Variants in ATRNL1 observed in about 807,000 individuals in gnomAD.
The protein encoded by ATRNL1 is attractin-like protein 1.
ATRNL1 carries 95 observed loss-of-function variants against 182.7 expected under a neutral mutation model. That is an observed-to-expected ratio of 0.52 (90% CI 0.44 to 0.62). The LOEUF (loss-of-function observed/expected upper bound fraction) is 0.62, where lower values mean the gene tolerates loss of function less well. Ranked by LOEUF, ATRNL1 falls within the 20% of genes least tolerant of loss-of-function variation. The pLI is 0.00. For missense variants in ATRNL1, 1,471 were observed against 1,679.5 expected (o/e 0.88, Z 2.17); for synonymous variants, 576 against 568.3 (o/e 1.01, Z -0.19).
At chr10:115,736,922 C>T (rs1947967977) in intron 27 of ATRNL1, among the ~76,000 whole-genome samples, 1 of 152,078 alleles carries the variant, frequency 6.6e-6, no homozygotes, top group South Asian at 2.1e-4. Context: ...TGTGTGCCTC[C>T]ATGCCTGGCT....
In ATRNL1 at chr10:115,114,825, A is replaced by G. The variant is rs564436433; in HGVS notation, c.294-5360A>G. ...TAGTACAGCCATTTTGAAAAAAAAT[A>G]TGGAGGTTCATCAAAAAACTGAAAA... is the stretch of plus-strand genomic sequence containing the variant. On this transcript the variant is annotated intron_variant, in intron 1 of 28. Coordinates refer to ENST00000355044, the MANE Select transcript of ATRNL1 (RefSeq NM_207303.4). Among the ~76,000 whole-genome samples, 4 of 152,204 alleles carry G rather than the reference A, an allele frequency of 2.6e-5. No individual in the cohort carries two copies. The East Asian group carries it at 7.7e-4, about 29-fold the overall frequency.
chr10:115,900,995 G>A (rs1589666538), intron 28 of ATRNL1, among the ~76,000 whole-genome samples: 1 of 152,180 alleles, frequency 6.6e-6, no homozygotes, highest in Non-Finnish European at 1.5e-5. Flanking sequence ...CAATGTAGAA[G>A]AGTCCACATC....
intron 26 of ATRNL1, among the ~76,000 whole-genome samples, chr10:115,588,277 A>T (rs117169889): frequency 2.6e-5 from 4 of 152,126 alleles, no homozygotes; most frequent in Admixed American, 2.6e-4. Context: ...TGTATGGACT[A>T]CATAAATGAG....
intron 9 of ATRNL1, among the ~76,000 whole-genome samples, chr10:115,235,540 G>A (rs1392223823): frequency 1.3e-5 from 2 of 151,524 alleles, no homozygotes; most frequent in East Asian, 1.9e-4. Context: ...TCCAGAGTTC[G>A]TCTGTATTAT....
chr10:115,102,285 TC>T (rs1843801615), intron 1 of ATRNL1, among the ~76,000 whole-genome samples: 1 of 152,198 alleles, frequency 6.6e-6, no homozygotes, highest in Non-Finnish European at 1.5e-5. Context: ...TTCATTAATG[TC>T]TTTGTACCTT....
chr10:115,569,627 A>G (rs1854273914), intron 26 of ATRNL1, among the ~76,000 whole-genome samples: 1 of 152,060 alleles, frequency 6.6e-6, no homozygotes, highest in Non-Finnish European at 1.5e-5. Context: ...TCTGCAAACT[A>G]TTCATGTCCT....
chr10:115,458,039 T>G (rs1847613086), intron 21 of ATRNL1, among the ~76,000 whole-genome samples: 1 of 152,194 alleles, frequency 6.6e-6, no homozygotes, highest in African/African-American at 2.4e-5. Context: ...TTGTAATTTC[T>G]TTATACCATA....
chr10:115,849,258 A>G (rs1950999151), intron 28 of ATRNL1, among the ~76,000 whole-genome samples: 2 of 152,270 alleles, frequency 1.3e-5, no homozygotes, highest in South Asian at 4.1e-4. Flanking sequence ...TTTTCCTTTC[A>G]GCACCTCCAA....
Position 115,872,342 on chromosome 10 carries a change from C to T in ATRNL1, c.4018+24351C>T, listed in dbSNP as rs116554093. The stretch of plus-strand genomic sequence containing the variant: ...AAAAGCCTAATAGAGACTATGCCAG[C>T]TTAAAAGTCTTATTCAGAAGTGGGT... On this transcript the variant is annotated intron_variant, in intron 28 of 28. Transcript: ENST00000355044. Among the ~76,000 whole-genome samples, 363 of 152,284 alleles carry T rather than the reference C, an allele frequency of 2.4e-3. 1 individual carries two copies. Among genetic ancestry groups the T allele is most frequent in the African/African-American group, 8.4e-3 (349 of 41,566 alleles).
At chr10:115,860,953 C>T (rs1951302597) in intron 28 of ATRNL1, among the ~76,000 whole-genome samples, 1 of 152,158 alleles carries the variant, frequency 6.6e-6, no homozygotes, top group South Asian at 2.1e-4. Context: ...CCATCTGGGC[C>T]TTTGAAGAGC....
intron 21 of ATRNL1, among the ~76,000 whole-genome samples, chr10:115,447,634 G>A (rs1278506367): frequency 6.6e-6 from 1 of 151,788 alleles, no homozygotes; most frequent in Non-Finnish European, 1.5e-5. Flanking sequence ...TTTTAGTTAT[G>A]TAGAATATTT....
intron 18 of ATRNL1, among the ~76,000 whole-genome samples, chr10:115,332,303 A>G (rs1855263564): frequency 6.6e-6 from 1 of 152,142 alleles, no homozygotes; most frequent in South Asian, 2.1e-4. Context: ...TAGTCTGGAG[A>G]GGCTTCACAG....
chr10:115,519,984 T>A (rs1342526978), intron 25 of ATRNL1, among the ~76,000 whole-genome samples: 5 of 152,282 alleles, frequency 3.3e-5, no homozygotes, highest in African/African-American at 7.2e-5. Flanking sequence ...TTATAAAATA[T>A]CTGTGTTATG....
chr10:115,464,639 T>C (rs1175325523), intron 22 of ATRNL1, among the ~76,000 whole-genome samples: 4 of 151,866 alleles, frequency 2.6e-5, no homozygotes, highest in Admixed American at 2.6e-4. Flanking sequence ...GTTTTATAGG[T>C]TTTTTAAATA....
chr10:115,107,090 T>A (rs536081639), intron 1 of ATRNL1, among the ~76,000 whole-genome samples: 1 of 152,272 alleles, frequency 6.6e-6, no homozygotes, highest in East Asian at 1.9e-4. Flanking sequence ...CCTCATGGTT[T>A]AATCACCTCC....
At chr10:115,374,890 A>G (rs1256504687) in intron 19 of ATRNL1, among the ~76,000 whole-genome samples, 1 of 151,914 alleles carries the variant, frequency 6.6e-6, no homozygotes, top group Non-Finnish European at 1.5e-5. Flanking sequence ...GTGGTCTAGC[A>G]TATTATCTAT....
At chr10:115,192,154 A>C (rs1848194650) in intron 8 of ATRNL1, among the ~76,000 whole-genome samples, 1 of 151,934 alleles carries the variant, frequency 6.6e-6, no homozygotes, top group African/African-American at 2.4e-5. Context: ...TTGAGGTCCT[A>C]CTCAAGAAAT....
intron 26 of ATRNL1, among the ~76,000 whole-genome samples, chr10:115,617,922 A>G (rs1237063093): frequency 6.6e-6 from 1 of 152,168 alleles, no homozygotes; most frequent in African/African-American, 2.4e-5. Context: ...GTCTTGTGGA[A>G]GGTTATTGGA....
intron 9 of ATRNL1, among the ~76,000 whole-genome samples, chr10:115,234,532 G>T (rs192469819): frequency 1.3e-5 from 2 of 150,578 alleles, no homozygotes; most frequent in Non-Finnish European, 1.5e-5. Context: ...TTTTTCAATT[G>T]TACCAATATT....
Sources: gnomAD v4.1 joint callset for allele counts (sites outside exome capture counted in the v4.1 genomes callset) on GRCh38, gnomAD v4.1.1 for gene constraint, MANE v1.5 for transcripts, NCBI Gene and HGNC (gene_info 2026-07-23, HGNC 2026-07-21) for gene names.